The following SP110 variants were observed in gnomAD, a reference collection of about 807,000 sequenced individuals.
SP110 encodes the protein SP110 nuclear body protein.
In SP110, 62 loss-of-function variants were observed where a neutral mutation model predicts 92.7. That is an observed-to-expected ratio of 0.67 (90% CI 0.55 to 0.83). SP110 has a LOEUF of 0.83. SP110 is among the 40% of genes least tolerant of loss of function. The probability of loss-of-function intolerance (pLI) is 0.00; values close to 1 mark genes in which losing one functional copy is unlikely to be tolerated. For missense variants in SP110, 793 were observed against 863.9 expected, an observed-to-expected ratio of 0.92 and a Z score of 1.03; for synonymous variants, 273 against 305.3, an observed-to-expected ratio of 0.89 and a Z score of 1.10.
At chr2:230,221,605 T>G, upstream of SP110, 1 of 1,161,670 alleles carries the variant, frequency 8.6e-7, no homozygotes, top group East Asian at 2.6e-5. Flanking sequence ...AGAGGGTGCA[T>G]TGATGCCTCA....
chr2:230,221,326 A>G (rs1028738863), upstream of SP110, among the ~76,000 whole-genome samples: 4 of 152,128 alleles, frequency 2.6e-5, no homozygotes, highest in African/African-American at 4.8e-5. Flanking sequence ...GATTAAATCA[A>G]TAATTCTCAA....
chr2:230,202,526 G>A, intron 9 of SP110, 53 bp downstream of exon 9: 3 of 1,581,222 alleles, frequency 1.9e-6, no homozygotes, highest in Non-Finnish European at 2.6e-6. Flanking sequence ...TGCTTCAGGA[G>A]AGACCCTCCC....
intron 11 of SP110, among the ~76,000 whole-genome samples, chr2:230,184,825 T>C (rs1574623597): frequency 6.6e-6 from 1 of 152,180 alleles, no homozygotes. Context: ...GGCTAGGTAA[T>C]GCTGTGGTAA....
In SP110 at chr2:230,190,271, T is replaced by C. The variant is rs373134689; in HGVS notation, c.1130-4128A>G. ...CTGACTGGCATGAGATGGTCTCTCA[T>C]TGCAGTTTTGATTTGCAATTCTCTG... On this transcript the variant is annotated intron_variant, in intron 10 of 18. Coordinates refer to ENST00000258381, the MANE Select transcript of SP110 (RefSeq NM_080424.4). 2.4e-3 allele frequency among the ~76,000 whole-genome samples: 360 copies of C among 152,344 alleles called. 2 individuals are homozygous for C. The highest frequency in any genetic ancestry group is 8.3e-3 in the African/African-American group (345 of 41,570).
chr2:230,210,784 G>GA (rs1198925262), intron 6 of SP110, among the ~76,000 whole-genome samples: 1 of 152,158 alleles, frequency 6.6e-6, no homozygotes, highest in African/African-American at 2.4e-5. Flanking sequence ...GCCTGCTTAG[G>GA]AATAGGTGAC....
At chr2:230,174,496 T>G (rs1378616961) in intron 14 of SP110, among the ~76,000 whole-genome samples, 1 of 152,204 alleles carries the variant, frequency 6.6e-6, no homozygotes, top group Non-Finnish European at 1.5e-5. Context: ...CCTCCTCTCA[T>G]GCCTCCTGGC....
intron 2 of SP110, among the ~76,000 whole-genome samples, chr2:230,216,023 T>C (rs1039580948): frequency 6.6e-6 from 1 of 152,170 alleles, no homozygotes; most frequent in South Asian, 2.1e-4. Context: ...TAGGGCTCAA[T>C]TAATGCTTTT....
chr2:230,177,673 T>C lies in SP110; in HGVS notation c.1455A>G (p.Ser485=). Residue 485 remains serine (S), a synonymous_variant, in exon 14 of 19, where the codon TCA becomes TCG. Coordinates refer to ENST00000258381, the MANE Select transcript of SP110 (RefSeq NM_080424.4). ...LYKKKMKHGS[S]VKCIRNEDGT... ...CATCCTCATTCCGAATGCACTTCAC[T>C]GAGGATCCTGTAAGAAAAAGCCCAT... is the stretch of plus-strand genomic sequence containing the variant. The C allele has an allele frequency of 6.2e-7, 1 of 1,614,162 alleles. No individual in the cohort carries two copies. Among genetic ancestry groups the C allele is most frequent in the Non-Finnish European group, 8.5e-7 (1 of 1,179,996 alleles).
At chr2:230,217,245 C>CAAAAAAA (rs6147220) in intron 1 of SP110, among the ~76,000 whole-genome samples, 7 of 79,790 alleles carry the variant, frequency 8.8e-5, no homozygotes, top group Non-Finnish European at 1.2e-4. Context: ...GACTCCATCT[C>CAAAAAAA]AAAAAAAAAA....
intron 8 of SP110, chr2:230,203,339 C>T (rs956295790): frequency 1.2e-5 from 2 of 160,254 alleles, no homozygotes; most frequent in Admixed American, 1.2e-4. Flanking sequence ...ACTTTAGAAG[C>T]TGATCCCACA....
At chr2:230,223,857 A>G (rs1322024966), upstream of SP110, among the ~76,000 whole-genome samples, 1 of 152,202 alleles carries the variant, frequency 6.6e-6, no homozygotes, top group East Asian at 1.9e-4. Flanking sequence ...GAAAGCATTG[A>G]TTTACCTTTG....
intron 16 of SP110, 118 bp from the exon 17 acceptor site, chr2:230,171,885 C>T: frequency 2.2e-6 from 2 of 889,054 alleles, no homozygotes; most frequent in Non-Finnish European, 3.8e-6. Flanking sequence ...TCCAGCCATG[C>T]TTCCCAAGGC....
At position 230,172,233 on chromosome 2, in the gene SP110, C is replaced by A. The variant is rs866223032; in HGVS notation, c.1707-59G>T. The A allele has an allele frequency of 5.8e-6, 6 of 1,038,742 alleles. No individual in the cohort carries two copies. The Middle Eastern group carries it at 1.2e-3, about 214-fold the overall frequency. 64.3% of individuals were successfully genotyped at this position (1,038,742 alleles called of 1,614,324 possible). A position where few individuals can be genotyped will look rare whatever the true frequency, so the allele number is the denominator to read the frequency against. On this transcript the variant is annotated intron_variant, in intron 15 of 18. Transcript: ENST00000258381. ...AAGCCCCTGGAAATGGCCACCATTCCTGTGGCTGCCACTGTCTTCCCTCAG... is the reference window on the plus strand; with the variant it reads ...AAGCCCCTGGAAATGGCCACCATTCATGTGGCTGCCACTGTCTTCCCTCAG...
In SP110 at chr2:230,168,102, C is replaced by CT. The variant is rs2078338964; in HGVS notation, c.*1021dup. ...CCGGCCTGGGTGACAGAGTGAGACT[C>CT]TGTCTCAAAAAAAAAAAAAAAAAAA... On this transcript the variant is annotated 3_prime_UTR_variant, in exon 19 of 19. Coordinates refer to ENST00000258381, the MANE Select transcript of SP110 (RefSeq NM_080424.4). 1 of 84,000 alleles carries CT rather than the reference C, an allele frequency of 1.2e-5. No homozygotes were observed. Among genetic ancestry groups the CT allele is most frequent in the Non-Finnish European group, 2.2e-5 (1 of 45,956 alleles). The allele number at this position is 84,000 out of a possible 1,614,324, so 5.2% of individuals were successfully genotyped here. A position where few individuals can be genotyped will look rare whatever the true frequency, so the allele number is the denominator to read the frequency against.
intron 1 of SP110, among the ~76,000 whole-genome samples, chr2:230,219,207 A>G (rs1313599675): frequency 1.3e-5 from 2 of 152,268 alleles, no homozygotes; most frequent in East Asian, 1.9e-4. Context: ...CCTGGGTGAC[A>G]GAGCGAGACT....
chr2:230,177,763 T>G, intron 13 of SP110, 83 bp from the exon 14 acceptor site: 1 of 1,461,594 alleles, frequency 6.8e-7, no homozygotes, highest in Non-Finnish European at 9.5e-7. Flanking sequence ...TGTGGCCTTC[T>G]ACCTTTCCAG....
chr2:230,202,082 G>T (rs2043238348), intron 9 of SP110, among the ~76,000 whole-genome samples: 1 of 152,092 alleles, frequency 6.6e-6, no homozygotes, highest in South Asian at 2.1e-4. Flanking sequence ...AAAGAGATTT[G>T]CACAAACATA....
Position 230,166,420 on chromosome 2 carries a change from C to T in SP110, c.*2704G>A, listed in dbSNP as rs1330835126. Among the ~76,000 whole-genome samples, 2 of 152,146 alleles carry T rather than the reference C, an allele frequency of 1.3e-5. No homozygotes were observed. Among genetic ancestry groups the T allele is most frequent in the African/African-American group, 2.4e-5 (1 of 41,430 alleles). The stretch of plus-strand genomic sequence containing the variant: ...ATATATTAAAAGGTAGAAAATTTTA[C>T]AAGTTATTTTACCGAGGTAGGATAA... On this transcript the variant is annotated 3_prime_UTR_variant, in exon 19 of 19. Transcript: ENST00000258381.
At position 230,166,196 on chromosome 2, in the gene SP110, ACC is replaced by A. The variant is rs1395612834; in HGVS notation, c.*2926_*2927del. Among the ~76,000 whole-genome samples, 6 of 152,166 alleles carry A rather than the reference ACC, an allele frequency of 3.9e-5. No homozygotes were observed. Among genetic ancestry groups the A allele is most frequent in the Admixed American group, 2.6e-4 (4 of 15,274 alleles). On this transcript the variant is annotated 3_prime_UTR_variant, in exon 19 of 19. Coordinates refer to ENST00000258381, the MANE Select transcript of SP110 (RefSeq NM_080424.4). Reference sequence around the variant, plus strand: ...CCTGAGCCACTGCGCCTGGCAGACCACCTATATTACTTTTAACCACAAATGAA... The same window carrying A: ...CCTGAGCCACTGCGCCTGGCAGACCATATATTACTTTTAACCACAAATGAA...
Sources: gnomAD v4.1 joint callset for allele counts (sites outside exome capture counted in the v4.1 genomes callset) on GRCh38, gnomAD v4.1.1 for gene constraint, MANE v1.5 for transcripts, NCBI Gene and HGNC (gene_info 2026-07-23, HGNC 2026-07-21) for gene names.